Variants in RHOBTB1 observed in about 807,000 individuals in gnomAD.
The protein encoded by RHOBTB1 is Rho related BTB domain containing 1.
RHOBTB1 carries 40 observed loss-of-function variants against 71.6 expected under a neutral mutation model. That is an observed-to-expected ratio of 0.56 (90% confidence interval 0.43 to 0.73). The LOEUF (loss-of-function observed/expected upper bound fraction) is 0.73, where lower values mean the gene tolerates loss of function less well. Ranked by LOEUF, RHOBTB1 falls within the 30% of genes least tolerant of loss-of-function variation. The pLI, the probability that RHOBTB1 is intolerant of heterozygous loss-of-function variation, is 0.00. For missense variants in RHOBTB1, 797 were observed against 894.0 expected, an observed-to-expected ratio of 0.89 and a Z score of 1.38; for synonymous variants, 319 against 334.9, an observed-to-expected ratio of 0.95 and a Z score of 0.52.
intron 2 of RHOBTB1, among the ~76,000 whole-genome samples, chr10:60,974,427 A>G (rs1280718459): frequency 6.6e-6 from 1 of 152,116 alleles, no homozygotes; most frequent in Admixed American, 6.6e-5. Flanking sequence ...GAATACAATG[A>G]ATACTTAAGT....
Position 60,892,898 on chromosome 10 carries a change from G to A in RHOBTB1, c.394C>T (p.Arg132Ter). 1.9e-6 allele frequency: 3 copies of A among 1,614,056 alleles called. No homozygotes were observed. The highest frequency in any genetic ancestry group is 2.2e-5 in the East Asian group (1 of 44,882). The stretch of plus-strand genomic sequence containing the variant: ...CACCCAACAAGGATAACGGGTGTTC[G>A]AGGGCAAAAGTGCTTGATTTCTGGA... ...WYPEIKHFCP[R>*]TPVILVGCQL... Residue 132 changes from arginine to a stop codon, truncating the protein, a stop_gained, in exon 5 of 11, where the codon CGA (arginine) becomes TGA (stop). Transcript: ENST00000337910. LOFTEE classifies it high-confidence loss of function.
downstream of RHOBTB1, among the ~76,000 whole-genome samples, chr10:60,866,716 A>T (rs1196035840): frequency 6.6e-6 from 1 of 152,026 alleles, no homozygotes; most frequent in African/African-American, 2.4e-5. Flanking sequence ...GTGAGGGGAA[A>T]TGTTCTCTTA....
At chr10:60,991,024 G>C (rs141310783) in intron 1 of RHOBTB1, among the ~76,000 whole-genome samples, 14 of 152,214 alleles carry the variant, frequency 9.2e-5, no homozygotes, top group Admixed American at 2.6e-4. Flanking sequence ...TATCACAGAA[G>C]GTGGCCTGTC....
chr10:60,896,374 G>C (rs1279241466), intron 4 of RHOBTB1, among the ~76,000 whole-genome samples: 21 of 152,208 alleles, frequency 1.4e-4, no homozygotes, highest in Admixed American at 1.4e-3. Flanking sequence ...CAGGCAGTAG[G>C]GTTAGTCTAG....
chr10:60,875,665 G>A (rs2081017315), intron 8 of RHOBTB1, among the ~76,000 whole-genome samples: 2 of 152,204 alleles, frequency 1.3e-5, no homozygotes, highest in Admixed American at 6.5e-5. Context: ...GATTGCGTAC[G>A]TCTGTCTCAA....
intron 2 of RHOBTB1, among the ~76,000 whole-genome samples, chr10:60,931,540 T>C (rs530402788): frequency 6.6e-6 from 1 of 152,192 alleles, no homozygotes; most frequent in East Asian, 1.9e-4. Flanking sequence ...CTGAAAAATA[T>C]TCTTAGACAT....
chr10:60,908,094 T>C (rs1253055611), intron 4 of RHOBTB1, among the ~76,000 whole-genome samples: 2 of 152,138 alleles, frequency 1.3e-5, no homozygotes, highest in East Asian at 3.9e-4. Flanking sequence ...AAGAGAGCAA[T>C]AACACTGTGG....
chr10:60,865,279 A>G (rs1467425267), downstream of RHOBTB1, among the ~76,000 whole-genome samples: 1 of 152,230 alleles, frequency 6.6e-6, no homozygotes. Context: ...CATATGTAAA[A>G]TAAAATTAGA....
chr10:60,888,306 G>C lies in RHOBTB1; in HGVS notation c.1362C>G (p.Asn454Lys). The C allele has an allele frequency of 1.9e-6, 3 of 1,614,078 alleles. No individual in the cohort carries two copies. Among genetic ancestry groups the C allele is most frequent in the Non-Finnish European group, 2.5e-6 (3 of 1,179,978 alleles). The change falls in exon 6 of 11, where the codon AAC becomes AAG. Residue 454 changes from asparagine (N) to lysine (K), a missense_variant. Transcript: ENST00000337910. ...DLRMMVENIM[N>K]KEAFMNQEIT... ...TCTCCTGGTTCATGAAGGCTTCCTT[G>C]TTCATGATGTTTTCCACCATCATCC...
chr10:60,878,268 C>A (rs569048698), intron 7 of RHOBTB1, among the ~76,000 whole-genome samples: 16 of 152,306 alleles, frequency 1.1e-4, no homozygotes, highest in South Asian at 2.1e-4. Context: ...AGCTGCCTGA[C>A]ACAGCCTGAT....
intron 2 of RHOBTB1, among the ~76,000 whole-genome samples, chr10:60,925,212 A>C (rs1490829415): frequency 6.6e-6 from 1 of 152,200 alleles, no homozygotes; most frequent in South Asian, 2.1e-4. Context: ...TGCCAGCACC[A>C]TGCTTCATGT....
chr10:60,985,075 C>A (rs1375803696), intron 2 of RHOBTB1, among the ~76,000 whole-genome samples: 1 of 152,138 alleles, frequency 6.6e-6, no homozygotes, highest in Non-Finnish European at 1.5e-5. Flanking sequence ...CAGATATGCC[C>A]ACCATCTTAA....
At chr10:60,895,137 A>G (rs1040394549) in intron 4 of RHOBTB1, among the ~76,000 whole-genome samples, 1 of 152,220 alleles carries the variant, frequency 6.6e-6, no homozygotes, top group Admixed American at 6.5e-5. Flanking sequence ...ACTATGTCAC[A>G]TCAATATCTA....
intron 5 of RHOBTB1, among the ~76,000 whole-genome samples, chr10:60,889,388 CAG>C (rs2081798159): frequency 1.3e-5 from 2 of 152,154 alleles, no homozygotes; most frequent in Non-Finnish European, 2.9e-5. Context: ...TCAAATATTT[CAG>C]AGTTTCAATG....
chr10:60,872,256 A>G lies in RHOBTB1; in HGVS notation c.1850T>C (p.Leu617Ser), dbSNP rs2080828858. Residue 617 changes from leucine (L) to serine (S), a missense_variant, in exon 10 of 11, where the codon TTG (leucine) becomes TCG (serine). Coordinates refer to ENST00000337910, the MANE Select transcript of RHOBTB1 (RefSeq NM_014836.5). ...GTTGTAGTTGGTGCAGATGTGGTGC[A>G]AACACCAGGCGGCCAACTGGTGGGC... ...HNAHQLAAWC[L>S]HHICTNYNSV... 6.2e-7 allele frequency: 1 copy of G among 1,614,146 alleles called. No homozygotes were observed. The highest frequency in any genetic ancestry group is 8.5e-7 in the Non-Finnish European group (1 of 1,179,988).
In RHOBTB1 at chr10:60,925,153, T is replaced by C. The variant is rs568714709; in HGVS notation, c.-10-13601A>G. Reference sequence around the variant, plus strand: ...GTGACATTCCTGCTCTCCTCTTACCTTCCACCATGATTATAAGCTTCCTGA... The same window carrying C: ...GTGACATTCCTGCTCTCCTCTTACCCTCCACCATGATTATAAGCTTCCTGA... On this transcript the variant is annotated intron_variant, in intron 2 of 10. Transcript: ENST00000337910. 6.6e-5 allele frequency among the ~76,000 whole-genome samples: 10 copies of C among 152,314 alleles called. No homozygotes were observed. The South Asian group carries it at 2.1e-3, about 32-fold the overall frequency.
chr10:60,998,088 T>A (rs1480508197), intron 1 of RHOBTB1, among the ~76,000 whole-genome samples: 1 of 152,158 alleles, frequency 6.6e-6, no homozygotes, highest in Non-Finnish European at 1.5e-5. Flanking sequence ...TGCCGTAAAA[T>A]ATGGGGTTGT....
At chr10:60,894,584 T>C (rs1682855434) in intron 4 of RHOBTB1, among the ~76,000 whole-genome samples, 1 of 151,712 alleles carries the variant, frequency 6.6e-6, no homozygotes, top group African/African-American at 2.4e-5. Flanking sequence ...GAATTTTACA[T>C]TTTTTATGGG....
intron 7 of RHOBTB1, among the ~76,000 whole-genome samples, chr10:60,879,276 A>G (rs1246847779): frequency 1.3e-5 from 2 of 152,230 alleles, no homozygotes; most frequent in Non-Finnish European, 2.9e-5. Context: ...ATAAAGCATC[A>G]TATTTTATTA....
Sources: gnomAD v4.1 joint callset for allele counts (sites outside exome capture counted in the v4.1 genomes callset) on GRCh38, gnomAD v4.1.1 for gene constraint, MANE v1.5 for transcripts, NCBI Gene and HGNC (gene_info 2026-07-23, HGNC 2026-07-21) for gene names.